The following HHIP variants were observed in gnomAD, a reference collection of about 807,000 sequenced individuals.
HHIP encodes the protein hedgehog-interacting protein.
A neutral mutation model predicts 74.0 loss-of-function variants in HHIP; 12 were observed. The ratio of observed to expected loss-of-function variants is 0.16; its 90% CI spans 0.10 to 0.26. The LOEUF is 0.26. Ranked by LOEUF, HHIP falls within the 10% of genes least tolerant of loss-of-function variation. HHIP has a pLI of 1.00. For missense variants in HHIP, 788 were observed against 845.0 expected, an observed-to-expected ratio of 0.93 and a Z score of 0.84; for synonymous variants, 309 against 311.6, an observed-to-expected ratio of 0.99 and a Z score of 0.09.
Position 144,738,169 on chromosome 4 carries a change from C to T in HHIP, c.*212C>T, listed in dbSNP as rs201029628. On this transcript the variant is annotated 3_prime_UTR_variant, in exon 13 of 13. Coordinates refer to ENST00000296575, the MANE Select transcript of HHIP (RefSeq NM_022475.3). Reference sequence around the variant, plus strand: ...TACACATACTCATAACCCCTATATGCGTTGTTGCATAACAGATGATTTTTT... The same window carrying T: ...TACACATACTCATAACCCCTATATGTGTTGTTGCATAACAGATGATTTTTT... 60 of 1,167,320 alleles carry T rather than the reference C, an allele frequency of 5.1e-5. No homozygotes were observed. The highest frequency in any genetic ancestry group is 1.7e-4 in the South Asian group (4 of 23,696). The allele number at this position is 1,167,320 out of a possible 1,614,324, so 72.3% of individuals were successfully genotyped here. A position where few individuals can be genotyped will look rare whatever the true frequency, so the allele number is the denominator to read the frequency against.
chr4:144,695,657 G>C (rs1442228217), intron 4 of HHIP, among the ~76,000 whole-genome samples: 1 of 151,576 alleles, frequency 6.6e-6, no homozygotes, highest in Non-Finnish European at 1.5e-5. Flanking sequence ...TTTAACTTTA[G>C]AGGATAAATT....
chr4:144,716,507 C>G (rs573624781), intron 10 of HHIP, among the ~76,000 whole-genome samples: 1 of 152,166 alleles, frequency 6.6e-6, no homozygotes, highest in Non-Finnish European at 1.5e-5. Flanking sequence ...TAACTTACAT[C>G]CTCTGTAATA....
intron 11 of HHIP, among the ~76,000 whole-genome samples, chr4:144,728,013 C>T (rs1254334280): frequency 6.6e-6 from 1 of 152,184 alleles, no homozygotes; most frequent in Non-Finnish European, 1.5e-5. Flanking sequence ...CTGACCCTCT[C>T]TCATGAGAAT....
Position 144,646,630 on chromosome 4 carries a change from T to TC in HHIP, c.-39dup, listed in dbSNP as rs746271511. The TC allele has an allele frequency of 9.8e-5, 155 of 1,582,194 alleles. 1 individual carries two copies. The highest frequency in any genetic ancestry group is 6.9e-4 in the Admixed American group (40 of 57,980). ...TAGTGCCCCTGCTGGGCAGTGGCGT[T>TC]CCCCCCCATCCTCCCGCGCCCAGCC... On this transcript the variant is annotated 5_prime_UTR_variant, in exon 1 of 13. Transcript: ENST00000296575.
intron 7 of HHIP, 75 bp downstream of exon 7, chr4:144,708,386 G>A: frequency 6.8e-7 from 1 of 1,480,904 alleles, no homozygotes; most frequent in Non-Finnish European, 9.3e-7. Flanking sequence ...ATATAGCATA[G>A]AGCATATACC....
intron 4 of HHIP, among the ~76,000 whole-genome samples, chr4:144,690,289 T>C (rs1729611021): frequency 6.6e-6 from 1 of 152,200 alleles, no homozygotes; most frequent in Non-Finnish European, 1.5e-5. Flanking sequence ...TAAAACTTGA[T>C]TTCCATCTAA....
intron 1 of HHIP, chr4:144,650,644 T>C (rs1728392919): frequency 6.6e-6 from 1 of 152,112 alleles, no homozygotes; most frequent in Non-Finnish European, 1.5e-5. Context: ...GATGGCTCTA[T>C]CTATCTTCAA....
At chr4:144,689,237 G>A (rs528471348) in intron 4 of HHIP, among the ~76,000 whole-genome samples, 1 of 152,246 alleles carries the variant, frequency 6.6e-6, no homozygotes, top group East Asian at 1.9e-4. Context: ...TCCAAAGTTT[G>A]AGCAATGGAA....
chr4:144,647,212 C>T, intron 1 of HHIP: 1 of 430,182 alleles, frequency 2.3e-6, no homozygotes, highest in Non-Finnish European at 4.1e-6. Flanking sequence ...TCTGCGGTAC[C>T]CGCACCCTGG....
intron 4 of HHIP, among the ~76,000 whole-genome samples, chr4:144,676,275 A>G (rs1729166814): frequency 6.6e-6 from 1 of 152,194 alleles, no homozygotes; most frequent in Admixed American, 6.5e-5. Context: ...ATAATAGTAA[A>G]GCAAAAGATT....
chr4:144,646,976 G>T, intron 1 of HHIP, 22 bp downstream of exon 1: 1 of 1,573,218 alleles, frequency 6.4e-7, no homozygotes, highest in Non-Finnish European at 8.6e-7. Flanking sequence ...CCGGCTTCAC[G>T]GATGCGTACT....
chr4:144,698,805 T>C (rs903379637), intron 4 of HHIP, among the ~76,000 whole-genome samples: 5 of 152,200 alleles, frequency 3.3e-5, no homozygotes, highest in Non-Finnish European at 5.9e-5. Context: ...AGATATTTTA[T>C]GTCTTTTCCC....
rs769118337 is a variant in HHIP at position 144,652,809 on chromosome 4, A to G, written c.472+12A>G. On this transcript the variant is annotated intron_variant, in intron 2 of 12. Coordinates refer to ENST00000296575, the MANE Select transcript of HHIP (RefSeq NM_022475.3). ...AGGCCATATTCCAGGTAAGAAAAAA[A>G]AATGCATAAGTAAAATAAACCACTG... is the stretch of plus-strand genomic sequence containing the variant. The G allele has an allele frequency of 1.9e-6, 3 of 1,556,606 alleles. No individual in the cohort carries two copies. Among genetic ancestry groups the G allele is most frequent in the African/African-American group, 1.4e-5 (1 of 72,358 alleles).
At chr4:144,705,490 G>A (rs902605015) in intron 4 of HHIP, among the ~76,000 whole-genome samples, 12 of 152,254 alleles carry the variant, frequency 7.9e-5, no homozygotes, top group East Asian at 1.9e-4. Flanking sequence ...CAGTTGCAGC[G>A]TTCAATTTCT....
Position 144,743,855 on chromosome 4 carries a change from G to C in HHIP, c.*5898G>C, listed in dbSNP as rs2126704712. 1 of 152,070 alleles carries C rather than the reference G, an allele frequency of 6.6e-6. No homozygotes were observed. The highest frequency in any genetic ancestry group is 1.5e-5 in the Non-Finnish European group (1 of 67,946). The allele number at this position is 152,070 out of a possible 1,614,324, so 9.4% of individuals were successfully genotyped here. A position where few individuals can be genotyped will look rare whatever the true frequency, so the allele number is the denominator to read the frequency against. ...CTTTTCACTAAAAAAATAACTAATTGATAGTTTCCATTCACATGAACAAGT... is the reference window on the plus strand; with the variant it reads ...CTTTTCACTAAAAAAATAACTAATTCATAGTTTCCATTCACATGAACAAGT... On this transcript the variant is annotated 3_prime_UTR_variant, in exon 13 of 13. Transcript: ENST00000296575.
chr4:144,665,835 C>A (rs1728845872), intron 4 of HHIP, among the ~76,000 whole-genome samples: 1 of 152,184 alleles, frequency 6.6e-6, no homozygotes, highest in South Asian at 2.1e-4. Context: ...GAAAGCCCTG[C>A]CTTCTCCTAA....
chr4:144,668,130 G>C (rs894116074), intron 4 of HHIP, among the ~76,000 whole-genome samples: 2 of 151,478 alleles, frequency 1.3e-5, no homozygotes, highest in African/African-American at 4.8e-5. Flanking sequence ...CAGCCTGGCC[G>C]ACGTGGTGAA....
At chr4:144,654,488 A>T (rs757665656) in intron 2 of HHIP, among the ~76,000 whole-genome samples, 5 of 152,138 alleles carry the variant, frequency 3.3e-5, no homozygotes, top group Non-Finnish European at 7.4e-5. Context: ...TGACAAGCAG[A>T]GGGGGCTGCC....
intron 4 of HHIP, among the ~76,000 whole-genome samples, chr4:144,687,869 T>G (rs1729533180): frequency 6.7e-6 from 1 of 149,452 alleles, no homozygotes; most frequent in Non-Finnish European, 1.5e-5. Context: ...TTGTTAGGAA[T>G]GGAAATCCAC....
Sources: allele counts gnomAD v4.1 joint callset (sites outside exome capture counted in the v4.1 genomes callset), GRCh38; gene constraint gnomAD v4.1.1; transcripts MANE v1.5; gene names NCBI Gene and HGNC (gene_info 2026-07-23, HGNC 2026-07-21).